The following TRIP12 variants were observed in gnomAD, a reference collection of about 807,000 sequenced individuals.
TRIP12 encodes the protein thyroid hormone receptor interactor 12.
Under a neutral mutation model 244.2 loss-of-function variants are expected in TRIP12, and 25 were observed. The observed-to-expected ratio is 0.10, with a 90% CI of 0.07 to 0.14. TRIP12 has a LOEUF of 0.14. Among genes scored for constraint, TRIP12 ranks in the 10% least tolerant of loss-of-function variants. The pLI, the probability that TRIP12 is intolerant of heterozygous loss-of-function variation, is 1.00. For missense variants in TRIP12, 1,677 were observed against 2,486.4 expected, an observed-to-expected ratio of 0.67 and a Z score of 6.92; for synonymous variants, 905 against 873.1, an observed-to-expected ratio of 1.04 and a Z score of -0.64.
chr2:229,865,768 G>A (rs1327204173), intron 2 of TRIP12, among the ~76,000 whole-genome samples: 1 of 152,078 alleles, frequency 6.6e-6, no homozygotes, highest in Non-Finnish European at 1.5e-5. Context: ...AATAATTAAT[G>A]GTGGAAAGTT....
chr2:229,908,362 A>G (rs1218790242), intron 1 of TRIP12, among the ~76,000 whole-genome samples: 1 of 152,210 alleles, frequency 6.6e-6, no homozygotes, highest in Non-Finnish European at 1.5e-5. Flanking sequence ...CTATTCTGAG[A>G]AATATCTTGG....
chr2:229,857,482 A>G (rs1415609134), intron 4 of TRIP12, among the ~76,000 whole-genome samples: 2 of 152,184 alleles, frequency 1.3e-5, no homozygotes, highest in East Asian at 3.9e-4. Flanking sequence ...TACAAAAATT[A>G]GCTGGGTGTG....
intron 1 of TRIP12, among the ~76,000 whole-genome samples, chr2:229,896,301 T>A (rs2068801026): frequency 6.6e-6 from 1 of 152,262 alleles, no homozygotes; most frequent in East Asian, 1.9e-4. Flanking sequence ...TGTTTTACTT[T>A]GTAAAACAGG....
In TRIP12 at chr2:229,787,515, T is replaced by A; in HGVS notation, c.4985A>T (p.Asp1662Val). The change falls in exon 33 of 42, where the codon GAT becomes GTT. Residue 1662 changes from aspartate to valine, a missense_variant. Physicochemically the swap from Asp to Val is radical, Grantham distance 152. Transcript: ENST00000675903. ...SQDSRVAPRL[D>V]RKKRTVNREE... The stretch of plus-strand genomic sequence containing the variant: ...TGGGGAGAAACTTACTTTTTTTCTA[T>A]CCAATCTAGGTGCAACTCTGCTATC... 1 of 1,600,148 alleles carries A rather than the reference T, an allele frequency of 6.2e-7. No individual in the cohort carries two copies. Among genetic ancestry groups the A allele is most frequent in the East Asian group, 2.2e-5 (1 of 44,798 alleles).
At chr2:229,775,963 AAAAC>A (rs921824420) in intron 37 of TRIP12, among the ~76,000 whole-genome samples, 25 of 152,226 alleles carry the variant, frequency 1.6e-4, no homozygotes, top group South Asian at 6.2e-4. Context: ...AAATCTCAAA[AAAAC>A]AAACAAACAA....
At chr2:229,795,963 C>A (rs1029195542) in intron 25 of TRIP12, among the ~76,000 whole-genome samples, 1 of 152,186 alleles carries the variant, frequency 6.6e-6, no homozygotes, top group African/African-American at 2.4e-5. Flanking sequence ...GAGAGCTATG[C>A]TAAGCCCTAT....
intron 39 of TRIP12, 101 bp downstream of exon 39, chr2:229,771,418 T>G: frequency 1.1e-6 from 1 of 924,392 alleles, no homozygotes; most frequent in Non-Finnish European, 1.6e-6. Context: ...AACACCCATT[T>G]TTTTGTTTTT....
At chr2:229,851,943 A>G (rs1283941138) in intron 4 of TRIP12, among the ~76,000 whole-genome samples, 2 of 152,216 alleles carry the variant, frequency 1.3e-5, no homozygotes, top group Non-Finnish European at 2.9e-5. Flanking sequence ...TCCGGACACA[A>G]AACCATGTAT....
intron 1 of TRIP12, among the ~76,000 whole-genome samples, chr2:229,912,821 G>C (rs1033449911): frequency 1.3e-5 from 2 of 152,108 alleles, no homozygotes; most frequent in Admixed American, 1.3e-4. Context: ...CTCTAAGAGG[G>C]CAGATCTTGT....
intron 11 of TRIP12, 88 bp downstream of exon 11, chr2:229,815,011 T>C (rs1439866675): frequency 8.9e-6 from 9 of 1,007,058 alleles, no homozygotes; most frequent in Non-Finnish European, 1.2e-5. Flanking sequence ...AAATATACTT[T>C]ATTTAGAAAA....
chr2:229,922,160 C>G (rs948934333), upstream of TRIP12: 2 of 195,798 alleles, frequency 1.0e-5, no homozygotes, highest in Non-Finnish European at 2.1e-5. Context: ...ATCGCCCCTC[C>G]CTCCCACGCC....
In TRIP12 at chr2:229,830,001, G is replaced by T. The variant is rs960533294; in HGVS notation, c.1355-713C>A. ...TGTTCCTGAGAGTCCGAGTCCTAGA[G>T]ATACTTGTATGTTCCCTCAGGAATT... On this transcript the variant is annotated intron_variant, in intron 7 of 41. Transcript: ENST00000675903. 2.6e-5 allele frequency among the ~76,000 whole-genome samples: 4 copies of T among 152,120 alleles called. No homozygotes were observed. The South Asian group carries it at 8.3e-4, about 32-fold the overall frequency.
intron 4 of TRIP12, among the ~76,000 whole-genome samples, chr2:229,841,605 C>T (rs1044322333): frequency 3.9e-5 from 6 of 152,300 alleles, no homozygotes; most frequent in Non-Finnish European, 7.3e-5. Flanking sequence ...AGCATCCACC[C>T]TTGCCCAACC....
At chr2:229,839,659 A>C (rs1425540792) in intron 5 of TRIP12, among the ~76,000 whole-genome samples, 1 of 151,628 alleles carries the variant, frequency 6.6e-6, no homozygotes, top group African/African-American at 2.4e-5. Flanking sequence ...AGCCTGGGCG[A>C]CAGAGTGAGA....
intron 13 of TRIP12, among the ~76,000 whole-genome samples, chr2:229,813,641 G>A (rs1032321533): frequency 6.6e-6 from 1 of 151,934 alleles, no homozygotes; most frequent in African/African-American, 2.4e-5. Context: ...AAAATGAGCT[G>A]GGTGTGGTGG....
chr2:229,888,746 C>T (rs1050683993), intron 1 of TRIP12, among the ~76,000 whole-genome samples: 2 of 151,756 alleles, frequency 1.3e-5, no homozygotes, highest in Admixed American at 6.6e-5. Flanking sequence ...GAGGTTGCAG[C>T]GAGCCAAGAT....
chr2:229,779,273 G>C (rs1370947499), intron 34 of TRIP12, among the ~76,000 whole-genome samples: 3 of 152,160 alleles, frequency 2.0e-5, no homozygotes, highest in Non-Finnish European at 4.4e-5. Context: ...CTTTCCTTCA[G>C]GAACAATATG....
At position 229,764,885 on chromosome 2, in the gene TRIP12, A is replaced by C. The variant is rs2031317543; in HGVS notation, c.*2669T>G. The C allele has an allele frequency of 6.6e-6, 1 of 152,244 alleles. No individual in the cohort carries two copies. The highest frequency in any genetic ancestry group is 1.5e-5 in the Non-Finnish European group (1 of 68,040). The allele number at this position is 152,244 out of a possible 1,614,324, so 9.4% of individuals were successfully genotyped here. ...ATATCCTGCTAGTGAAAGTTCTGTC[A>C]CTACAAATGCAGGGAACCAGAGACA... On this transcript the variant is annotated 3_prime_UTR_variant, in exon 42 of 42. Transcript: ENST00000675903.
chr2:229,901,907 A>G (rs1209046364), intron 1 of TRIP12, among the ~76,000 whole-genome samples: 1 of 152,122 alleles, frequency 6.6e-6, no homozygotes, highest in Non-Finnish European at 1.5e-5. Flanking sequence ...AAAAGAATCC[A>G]GCTACAACCG....
Sources: gnomAD v4.1 joint callset for allele counts (sites outside exome capture counted in the v4.1 genomes callset) on GRCh38, gnomAD v4.1.1 for gene constraint, MANE v1.5 for transcripts, NCBI Gene and HGNC (gene_info 2026-07-23, HGNC 2026-07-21) for gene names.